The following IGF1R variants were observed in gnomAD, a reference collection of about 807,000 sequenced individuals.
IGF1R encodes the protein insulin like growth factor 1 receptor, also known as insulin-like growth factor 1 receptor.
A neutral mutation model predicts 144.6 loss-of-function variants in IGF1R; 44 were observed. The ratio of observed to expected loss-of-function variants is 0.30; its 90% CI spans 0.24 to 0.39. The LOEUF (loss-of-function observed/expected upper bound fraction) is 0.39, where lower values mean the gene tolerates loss of function less well. Among genes scored for constraint, IGF1R ranks in the 10% least tolerant of loss-of-function variants. The probability of loss-of-function intolerance (pLI) is 1.00; values close to 1 mark genes in which losing one functional copy is unlikely to be tolerated. For missense variants in IGF1R, 1,355 were observed against 1,833.7 expected (o/e 0.74, Z 4.77); for synonymous variants, 795 against 722.8 (o/e 1.10, Z -1.60).
chr15:98,762,736 CAAAACT>C (rs1006589833), intron 2 of IGF1R, among the ~76,000 whole-genome samples: 1 of 151,658 alleles, frequency 6.6e-6, no homozygotes, highest in Non-Finnish European at 1.5e-5. Flanking sequence ...CCAAACAAAA[CAAAACT>C]AAAACAAAAA....
rs781145738 is a variant in IGF1R at position 98,908,727 on chromosome 15, A to G, written c.1290A>G (p.Gln430=). The G allele has an allele frequency of 1.2e-5, 20 of 1,614,016 alleles. No homozygotes were observed. Among genetic ancestry groups the G allele is most frequent in the Admixed American group, 1.7e-5 (1 of 60,000 alleles). The change falls in exon 6 of 21, where the codon CAA becomes CAG. Residue 430 remains glutamine, a synonymous_variant. Transcript: ENST00000650285. Reference sequence around the variant, plus strand: ...TCCTCGACAACCAGAACTTGCAGCAACTGTGGGACTGGGACCACCGCAACC... The same window carrying G: ...TCCTCGACAACCAGAACTTGCAGCAGCTGTGGGACTGGGACCACCGCAACC... ...FYVLDNQNLQ[Q]LWDWDHRNLT... is the part of the protein sequence containing the mutation.
chr15:98,890,563 T>G (rs1596401653), intron 2 of IGF1R: 1 of 152,776 alleles, frequency 6.5e-6, no homozygotes, highest in African/African-American at 2.4e-5. Context: ...ATTCTTCTGT[T>G]CCTTTACTTT....
intron 5 of IGF1R, among the ~76,000 whole-genome samples, chr15:98,905,894 G>A (rs1338109649): frequency 1.3e-5 from 2 of 152,120 alleles, no homozygotes; most frequent in East Asian, 1.9e-4. Context: ...ATTTAGCGGG[G>A]AGCCTTGCCC....
chr15:98,878,232 A>C (rs1315066879), intron 2 of IGF1R, among the ~76,000 whole-genome samples: 1 of 152,236 alleles, frequency 6.6e-6, no homozygotes, highest in Non-Finnish European at 1.5e-5. Context: ...AACAGTCCCC[A>C]GTTTGTCCCT....
chr15:98,650,869 T>C, intron 1 of IGF1R: 1 of 978,800 alleles, frequency 1.0e-6, no homozygotes. Context: ...GCTTTTGTTT[T>C]GGTGGTGTCG....
intron 1 of IGF1R, among the ~76,000 whole-genome samples, chr15:98,700,147 T>A (rs953202542): frequency 1.3e-5 from 2 of 152,168 alleles, no homozygotes; most frequent in Non-Finnish European, 2.9e-5. Flanking sequence ...ATTTTTCAAT[T>A]AGGAATGAGG....
At chr15:98,950,016 T>G (rs1212407854) in intron 20 of IGF1R, among the ~76,000 whole-genome samples, 1 of 152,206 alleles carries the variant, frequency 6.6e-6, no homozygotes, top group African/African-American at 2.4e-5. Flanking sequence ...GCTTCAGAGA[T>G]TGATCTGGAT....
chr15:98,897,438 T>G (rs1258865433), intron 4 of IGF1R: 1 of 165,616 alleles, frequency 6.0e-6, no homozygotes, highest in African/African-American at 2.4e-5. Context: ...ACATAAAGTT[T>G]CGGTCTCACC....
At chr15:98,869,597 G>A (rs1194040291) in intron 2 of IGF1R, among the ~76,000 whole-genome samples, 3 of 151,906 alleles carry the variant, frequency 2.0e-5, no homozygotes, top group African/African-American at 7.3e-5. Flanking sequence ...CACCACACTC[G>A]GCTAATTTTG....
intron 1 of IGF1R, 104 bp downstream of exon 1, chr15:98,649,779 C>T: frequency 1.1e-6 from 1 of 875,650 alleles, no homozygotes; most frequent in Non-Finnish European, 1.8e-6. Context: ...CTGTCGGGCC[C>T]CCGGGCTCGG....
intron 1 of IGF1R, among the ~76,000 whole-genome samples, chr15:98,689,146 T>C (rs182203873): frequency 3.5e-4 from 53 of 152,280 alleles, no homozygotes; most frequent in African/African-American, 1.2e-3. Context: ...TTTCCCACTC[T>C]AGATATCTTG....
In IGF1R at chr15:98,877,485, CA is replaced by C. The variant is rs149087467; in HGVS notation, c.641-13839del. Among the ~76,000 whole-genome samples, 547 of 121,682 alleles carry C rather than the reference CA, an allele frequency of 4.5e-3. 2 individuals are homozygous for C. Among genetic ancestry groups the C allele is most frequent in the African/African-American group, 0.018 (522 of 28,534 alleles). The allele number at this position is 121,682 out of a possible 152,430, so 79.8% of individuals were successfully genotyped here. A position where few individuals can be genotyped will look rare whatever the true frequency, so the allele number is the denominator to read the frequency against. ...GGGAAAGAAAGAAAAATGGCACTAG[CA>C]GCCTTTTTTTTTTTTTTTTTTTTTT... On this transcript the variant is annotated intron_variant, in intron 2 of 20. Transcript: ENST00000650285.
At chr15:98,660,799 G>A (rs1163324590) in intron 1 of IGF1R, 1 of 152,204 alleles carries the variant, frequency 6.6e-6, no homozygotes, top group Non-Finnish European at 1.5e-5. Flanking sequence ...TGTTCCATAA[G>A]TTCCCTATAG....
Position 98,958,661 on chromosome 15 carries a change from CT to C in IGF1R, c.*1225del. ...ATCGTCTTTAATGTCACTTTTATAA[CT>C]TTTTTACGGTTCAGATATTCATCTA... On this transcript the variant is annotated 3_prime_UTR_variant, in exon 21 of 21. Transcript: ENST00000650285. 1 of 231,306 alleles carries C rather than the reference CT, an allele frequency of 4.3e-6. No homozygotes were observed. 14.3% of individuals were successfully genotyped at this position (231,306 alleles called of 1,614,324 possible). A position where few individuals can be genotyped will look rare whatever the true frequency, so the allele number is the denominator to read the frequency against.
Position 98,891,317 on chromosome 15 carries a change from C to G in IGF1R, c.641-8C>G, listed in dbSNP as rs367974609. On this transcript the variant is annotated splice_polypyrimidine_tract_variant and splice_region_variant and intron_variant, in intron 2 of 20. Transcript: ENST00000650285. The surrounding 1 kb of genome is among the most constrained non-coding windows in gnomAD (Gnocchi z 4.7). ...GGTCTCATCTCCGTCTCTCCTCTCT[C>G]TCCACAGTGTGCCCAAGCACGTGTG... is the stretch of plus-strand genomic sequence containing the variant. 4.4e-5 allele frequency: 71 copies of G among 1,604,714 alleles called. 1 individual carries two copies. Among genetic ancestry groups the G allele is most frequent in the Non-Finnish European group, 4.2e-6 (5 of 1,179,850 alleles).
At chr15:98,838,791 C>T (rs1324961462) in intron 2 of IGF1R, among the ~76,000 whole-genome samples, 1 of 152,260 alleles carries the variant, frequency 6.6e-6, no homozygotes, top group Non-Finnish European at 1.5e-5. Context: ...AGTAAGCAGG[C>T]TTCCCTGTCA....
intron 2 of IGF1R, among the ~76,000 whole-genome samples, chr15:98,826,549 G>C (rs2056897798): frequency 6.6e-6 from 1 of 152,206 alleles, no homozygotes; most frequent in Non-Finnish European, 1.5e-5. Context: ...TCTAGAGGAA[G>C]ACATATTTAG....
At chr15:98,855,254 C>G (rs540416061) in intron 2 of IGF1R, among the ~76,000 whole-genome samples, 1 of 152,314 alleles carries the variant, frequency 6.6e-6, no homozygotes, top group East Asian at 1.9e-4. Context: ...CCAGGCAGGC[C>G]TGTGTGTCTG....
intron 2 of IGF1R, among the ~76,000 whole-genome samples, chr15:98,826,355 T>C (rs2684766): frequency 0.032 from 4,931 of 152,350 alleles, 127 homozygotes; most frequent in East Asian, 0.15. Context: ...CTACACATTG[T>C]CCATGTTGCA....
Sources: allele counts gnomAD v4.1 joint callset (sites outside exome capture counted in the v4.1 genomes callset), GRCh38; gene constraint gnomAD v4.1.1; non-coding constraint Gnocchi (gnomAD v3.1); transcripts MANE v1.5; gene names NCBI Gene and HGNC (gene_info 2026-07-23, HGNC 2026-07-21).